The following MYOF variants were observed in gnomAD, a reference collection of about 807,000 sequenced individuals.
The protein encoded by MYOF is myoferlin.
Under a neutral mutation model 284.2 loss-of-function variants are expected in MYOF, and 244 were observed. The observed-to-expected ratio is 0.86, with a 90% CI of 0.77 to 0.95. MYOF has a LOEUF of 0.95. Among genes scored for constraint, MYOF ranks in the 40% least tolerant of loss-of-function variants. The pLI is 0.00. For synonymous variants in MYOF, 904 were observed against 919.7 expected, an observed-to-expected ratio of 0.98 and a Z score of 0.31; for missense variants, 2,496 against 2,560.6, an observed-to-expected ratio of 0.97 and a Z score of 0.54.
chr10:93,459,760 T>C (rs1458912036), intron 1 of MYOF, among the ~76,000 whole-genome samples: 2 of 152,244 alleles, frequency 1.3e-5, no homozygotes, highest in Non-Finnish European at 2.9e-5. Flanking sequence ...ACACAAAATA[T>C]TGCATCTGTG....
intron 3 of MYOF, among the ~76,000 whole-genome samples, chr10:93,441,666 C>T (rs1476078468): frequency 4.0e-5 from 6 of 150,958 alleles, no homozygotes; most frequent in South Asian, 2.1e-4. Flanking sequence ...TGCATTCAAG[C>T]GATTCTCCTA....
chr10:93,419,540 T>C (rs1218776876), intron 5 of MYOF, among the ~76,000 whole-genome samples: 1 of 152,184 alleles, frequency 6.6e-6, no homozygotes, highest in Non-Finnish European at 1.5e-5. Context: ...ATTCATTCAC[T>C]CAACCAACCA....
At chr10:93,323,710 C>T in intron 46 of MYOF, 1 of 254,616 alleles carries the variant, frequency 3.9e-6, no homozygotes. Context: ...CACACACACA[C>T]ACACGCGCGT....
intron 20 of MYOF, among the ~76,000 whole-genome samples, chr10:93,380,833 T>C (rs1846076443): frequency 6.6e-6 from 1 of 152,214 alleles, no homozygotes; most frequent in South Asian, 2.1e-4. Context: ...GATTTCCCAG[T>C]AGCTGATCCA....
chr10:93,397,733 G>T (rs1354213610), intron 13 of MYOF, among the ~76,000 whole-genome samples: 1 of 151,706 alleles, frequency 6.6e-6, no homozygotes, highest in African/African-American at 2.4e-5. Flanking sequence ...AAGAGATAAG[G>T]TTGATAGAGC....
intron 21 of MYOF, among the ~76,000 whole-genome samples, chr10:93,378,699 A>ATATATATATATATATATATATATATG (rs1441321801): frequency 1.1e-5 from 1 of 93,314 alleles, no homozygotes; most frequent in African/African-American, 4.6e-5. Flanking sequence ...GTGTGTATAT[A>ATATATATATATATATATATATATATG]TATATATATA....
intron 30 of MYOF, 41 bp downstream of exon 30, chr10:93,356,634 C>G (rs746672062): frequency 1.3e-6 from 2 of 1,581,908 alleles, no homozygotes; most frequent in South Asian, 1.2e-5. Flanking sequence ...TATATTTTCT[C>G]TACACCAATA....
chr10:93,338,388 G>A (rs1468316941), intron 39 of MYOF: 8 of 456,430 alleles, frequency 1.8e-5, no homozygotes, highest in Non-Finnish European at 2.6e-5. Flanking sequence ...CTTCCTTTAT[G>A]TTATAAGCCA....
At chr10:93,406,857 G>A (rs1847618142) in intron 7 of MYOF, among the ~76,000 whole-genome samples, 2 of 151,466 alleles carry the variant, frequency 1.3e-5, no homozygotes, top group Admixed American at 1.3e-4. Context: ...AAAAAAAAAA[G>A]GACAAACGCC....
chr10:93,353,175 T>A (rs1451595343), intron 32 of MYOF, among the ~76,000 whole-genome samples: 3 of 152,272 alleles, frequency 2.0e-5, no homozygotes, highest in East Asian at 3.9e-4. Context: ...GCCTGAACTA[T>A]CCATGGTTCA....
chr10:93,321,972 A>G (rs755548349), intron 48 of MYOF, among the ~76,000 whole-genome samples: 9 of 148,714 alleles, frequency 6.1e-5, no homozygotes, highest in Non-Finnish European at 1.3e-4. Flanking sequence ...CTCTCCGTTC[A>G]GAATTACTTG....
chr10:93,338,371 C>A (rs755005634), intron 39 of MYOF: 7 of 456,754 alleles, frequency 1.5e-5, no homozygotes, highest in South Asian at 1.1e-4. Flanking sequence ...GGTTTTAATT[C>A]AAGTTCCTTC....
intron 2 of MYOF, among the ~76,000 whole-genome samples, chr10:93,454,564 A>G (rs1481539995): frequency 6.6e-6 from 1 of 152,168 alleles, no homozygotes; most frequent in African/African-American, 2.4e-5. Context: ...TGACCAACCC[A>G]AGGGGCCTCT....
intron 3 of MYOF, among the ~76,000 whole-genome samples, chr10:93,436,178 G>C (rs946519544): frequency 6.6e-6 from 1 of 152,070 alleles, no homozygotes. Context: ...TGGTTAACTG[G>C]AAAGAGCAGG....
intron 45 of MYOF, among the ~76,000 whole-genome samples, chr10:93,326,266 T>TTC (rs1269852752): frequency 1.3e-5 from 2 of 152,224 alleles, no homozygotes; most frequent in African/African-American, 4.8e-5. Flanking sequence ...GCCTGCCTGT[T>TTC]TCTCAGCCTC....
In MYOF at chr10:93,413,813, A is replaced by AC. The variant is rs369487125; in HGVS notation, c.434-4075dup. Among the ~76,000 whole-genome samples the AC allele has an allele frequency of 2.5e-3, 380 of 151,432 alleles. 1 individual carries two copies. Among genetic ancestry groups the AC allele is most frequent in the African/African-American group, 8.6e-3 (356 of 41,252 alleles). ...AGACCAGCCTGGGCAACATAGGGAG[A>AC]CCCCCCATCTCTACAAAAAAAATTT... On this transcript the variant is annotated intron_variant, in intron 5 of 53. Coordinates refer to ENST00000359263, the MANE Select transcript of MYOF (RefSeq NM_013451.4).
intron 52 of MYOF, 57 bp downstream of exon 52, chr10:93,310,477 G>A (rs952537506): frequency 1.9e-6 from 3 of 1,540,336 alleles, no homozygotes; most frequent in Admixed American, 1.7e-5. Context: ...CCAATGGGAA[G>A]GGGGGCTCTC....
chr10:93,446,198 G>A (rs1369693602), intron 3 of MYOF, among the ~76,000 whole-genome samples: 2 of 138,680 alleles, frequency 1.4e-5, no homozygotes, highest in African/African-American at 6.9e-5. Context: ...CTGACGCAGG[G>A]TCGGCCTTCC....
chr10:93,415,024 G>A lies in MYOF; in HGVS notation c.434-5285C>T, dbSNP rs540195039. 1.4e-3 allele frequency among the ~76,000 whole-genome samples: 217 copies of A among 152,214 alleles called. 1 individual carries two copies. The highest frequency in any genetic ancestry group is 4.8e-3 in the African/African-American group (201 of 41,552). On this transcript the variant is annotated intron_variant, in intron 5 of 53. Coordinates refer to ENST00000359263, the MANE Select transcript of MYOF (RefSeq NM_013451.4). Reference sequence around the variant, plus strand: ...CTCCCAAAGTGCTGGGATTATAAGCGTGAGCCACCGCGCCTGGCTGAGAGG... The same window carrying A: ...CTCCCAAAGTGCTGGGATTATAAGCATGAGCCACCGCGCCTGGCTGAGAGG...
Sources: gnomAD v4.1 joint callset for allele counts (sites outside exome capture counted in the v4.1 genomes callset) on GRCh38, gnomAD v4.1.1 for gene constraint, MANE v1.5 for transcripts, NCBI Gene and HGNC (gene_info 2026-07-23, HGNC 2026-07-21) for gene names.